The following RAB31 variants were observed in gnomAD, a reference collection of about 807,000 sequenced individuals.
The protein encoded by RAB31 is RAB31, member RAS oncogene family.
In RAB31, 21 loss-of-function variants were observed where a neutral mutation model predicts 25.6. The ratio of observed to expected loss-of-function variants is 0.82; its 90% CI spans 0.58 to 1.18. The LOEUF is 1.18. RAB31 is among the 50% of genes most tolerant of loss of function. The probability of loss-of-function intolerance (pLI) is 0.00; values close to 1 mark genes in which losing one functional copy is unlikely to be tolerated. For missense variants in RAB31, 196 were observed against 250.1 expected, an observed-to-expected ratio of 0.78 and a Z score of 1.46; for synonymous variants, 87 against 84.0, an observed-to-expected ratio of 1.04 and a Z score of -0.20.
intron 1 of RAB31, among the ~76,000 whole-genome samples, chr18:9,720,532 A>T (rs73401758): frequency 6.6e-6 from 1 of 152,006 alleles, no homozygotes; most frequent in African/African-American, 2.4e-5. Flanking sequence ...TGAGGTGCGG[A>T]GGGGGCGTGT....
intron 1 of RAB31, among the ~76,000 whole-genome samples, chr18:9,727,575 C>G (rs2068101703): frequency 1.3e-5 from 2 of 152,180 alleles, no homozygotes; most frequent in African/African-American, 4.8e-5. Flanking sequence ...CTTGGCCTCC[C>G]AAAGTGCTGG....
At chr18:9,812,190 C>T (rs2068575790) in intron 3 of RAB31, among the ~76,000 whole-genome samples, 1 of 152,142 alleles carries the variant, frequency 6.6e-6, no homozygotes, top group Non-Finnish European at 1.5e-5. Context: ...CTCCTAATAC[C>T]GCCACGTTGG....
intron 1 of RAB31, among the ~76,000 whole-genome samples, chr18:9,717,988 G>A (rs192904646): frequency 6.2e-4 from 94 of 152,064 alleles, no homozygotes; most frequent in African/African-American, 2.0e-3. Flanking sequence ...TTGACCTCCC[G>A]GGTTCAAGCA....
In RAB31 at chr18:9,710,692, A is replaced by G. The variant is rs149470565; in HGVS notation, c.39+2248A>G. Among the ~76,000 whole-genome samples the G allele has an allele frequency of 4.2e-3, 643 of 152,094 alleles. 6 individuals are homozygous for G. Among genetic ancestry groups the G allele is most frequent in the African/African-American group, 0.014 (590 of 41,482 alleles). On this transcript the variant is annotated intron_variant, in intron 1 of 6. Transcript: ENST00000578921. ...ACATGGTCAAACCCCGTCTCTATTA[A>G]AAATACAAAAAAAAGTTAGCTGGGC...
At chr18:9,744,212 T>C (rs956350054) in intron 1 of RAB31, among the ~76,000 whole-genome samples, 1 of 152,098 alleles carries the variant, frequency 6.6e-6, no homozygotes, top group African/African-American at 2.4e-5. Flanking sequence ...CCTTCCAAGG[T>C]ATCTGATTGT....
intron 1 of RAB31, among the ~76,000 whole-genome samples, chr18:9,751,838 A>G (rs536423881): frequency 2.0e-5 from 3 of 152,208 alleles, no homozygotes; most frequent in Non-Finnish European, 4.4e-5. Flanking sequence ...CAAGCTTTAG[A>G]TGCCTGCTGT....
At chr18:9,751,739 T>C (rs1482359926) in intron 1 of RAB31, among the ~76,000 whole-genome samples, 1 of 152,252 alleles carries the variant, frequency 6.6e-6, no homozygotes, top group East Asian at 1.9e-4. Flanking sequence ...GTTCATTTAA[T>C]GATGTAACGG....
At chr18:9,725,177 T>G (rs2068091309) in intron 1 of RAB31, among the ~76,000 whole-genome samples, 1 of 152,266 alleles carries the variant, frequency 6.6e-6, no homozygotes, top group South Asian at 2.1e-4. Flanking sequence ...TCTTCTGACC[T>G]AGCCTCACAG....
intron 5 of RAB31, among the ~76,000 whole-genome samples, chr18:9,839,027 G>A (rs1247676028): frequency 6.6e-6 from 1 of 152,212 alleles, no homozygotes; most frequent in African/African-American, 2.4e-5. Flanking sequence ...CCTCCTGAGA[G>A]CCAGGTAATG....
At chr18:9,789,195 T>C (rs2145498695) in intron 2 of RAB31, among the ~76,000 whole-genome samples, 1 of 151,006 alleles carries the variant, frequency 6.6e-6, no homozygotes, top group East Asian at 2.0e-4. Flanking sequence ...CTCATAGAAG[T>C]AGAGTAGAAT....
chr18:9,721,892 T>A (rs111317322), intron 1 of RAB31, among the ~76,000 whole-genome samples: 3 of 151,828 alleles, frequency 2.0e-5, no homozygotes, highest in Admixed American at 6.6e-5. Flanking sequence ...GGGAGGAGTG[T>A]GGTTTCAGGT....
intron 3 of RAB31, among the ~76,000 whole-genome samples, chr18:9,811,636 G>A (rs972909449): frequency 2.0e-5 from 3 of 152,090 alleles, no homozygotes; most frequent in East Asian, 1.9e-4. Context: ...TGCTTGTAAG[G>A]AAAATGTAAA....
chr18:9,813,574 G>A (rs1217391905), intron 3 of RAB31, among the ~76,000 whole-genome samples: 2 of 152,164 alleles, frequency 1.3e-5, no homozygotes, highest in Non-Finnish European at 2.9e-5. Flanking sequence ...CTCTGGGGCC[G>A]GGTGCGGTAG....
chr18:9,818,406 A>G (rs1230442602), intron 5 of RAB31, among the ~76,000 whole-genome samples: 3 of 152,094 alleles, frequency 2.0e-5, no homozygotes, highest in Admixed American at 6.6e-5. Flanking sequence ...GTAATCACTA[A>G]TGTACCTTTT....
At chr18:9,786,543 A>C (rs1459480355) in intron 2 of RAB31, among the ~76,000 whole-genome samples, 1 of 152,226 alleles carries the variant, frequency 6.6e-6, no homozygotes, top group Admixed American at 6.5e-5. Flanking sequence ...CTGAGCCCTC[A>C]ACCTGTGGGA....
chr18:9,782,435 GCATTAAAAGAGTTAA>G (rs1449457197), intron 2 of RAB31, among the ~76,000 whole-genome samples: 1 of 152,200 alleles, frequency 6.6e-6, no homozygotes, highest in South Asian at 2.1e-4. Context: ...CATTGCTTCA[GCATTAAAAGAGTTAA>G]CTCTTATGGC....
chr18:9,766,656 G>T lies in RAB31; in HGVS notation c.40-8622G>T, dbSNP rs1022609823. ...CCTTGTCAATGCTGAAGATGCTGAA[G>T]ACGTTTTAGAAGCATGTGGCTGGGC... On this transcript the variant is annotated intron_variant, in intron 1 of 6. Transcript: ENST00000578921. The surrounding 1 kb of genome is among the most constrained non-coding windows in gnomAD (Gnocchi z 4.3). Among the ~76,000 whole-genome samples the T allele has an allele frequency of 2.0e-5, 3 of 152,146 alleles. No homozygotes were observed. The highest frequency in any genetic ancestry group is 4.4e-5 in the Non-Finnish European group (3 of 68,030).
intron 1 of RAB31, among the ~76,000 whole-genome samples, chr18:9,713,869 C>T (rs2068030609): frequency 6.6e-6 from 1 of 152,184 alleles, no homozygotes; most frequent in Non-Finnish European, 1.5e-5. Context: ...CTTCACATGA[C>T]TGAGAGAGTG....
chr18:9,750,060 G>A (rs1337291215), intron 1 of RAB31, among the ~76,000 whole-genome samples: 1 of 152,184 alleles, frequency 6.6e-6, no homozygotes, highest in East Asian at 1.9e-4. Flanking sequence ...TAACCAACAG[G>A]CTTCCCTTGA....
Sources: allele counts gnomAD v4.1 joint callset (sites outside exome capture counted in the v4.1 genomes callset), GRCh38; gene constraint gnomAD v4.1.1; non-coding constraint Gnocchi (gnomAD v3.1); transcripts MANE v1.5; gene names NCBI Gene and HGNC (gene_info 2026-07-23, HGNC 2026-07-21).